The following CDYL2 variants were observed in gnomAD, a reference collection of about 807,000 sequenced individuals.
The protein encoded by CDYL2 is chromodomain Y-like protein 2.
Under a neutral mutation model 49.4 loss-of-function variants are expected in CDYL2, and 23 were observed. The observed-to-expected ratio is 0.47, with a 90% CI of 0.34 to 0.66. CDYL2 has a LOEUF of 0.66. Ranked by LOEUF, CDYL2 falls within the 30% of genes least tolerant of loss-of-function variation. The pLI, the probability that CDYL2 is intolerant of heterozygous loss-of-function variation, is 0.01. For missense variants in CDYL2, 678 were observed against 656.4 expected (o/e 1.03, Z -0.36); for synonymous variants, 360 against 268.8 (o/e 1.34, Z -3.32).
At chr16:80,776,838 G>C (rs1238689173) in intron 1 of CDYL2, among the ~76,000 whole-genome samples, 1 of 149,826 alleles carries the variant, frequency 6.7e-6, no homozygotes, top group Non-Finnish European at 1.5e-5. Flanking sequence ...TTTTTTTGGA[G>C]ACAGAGTCTC....
chr16:80,631,655 T>C (rs146768220), intron 3 of CDYL2, among the ~76,000 whole-genome samples: 1 of 152,332 alleles, frequency 6.6e-6, no homozygotes, highest in East Asian at 1.9e-4. Context: ...AAGTATCTGA[T>C]AAGGCCTTAC....
At chr16:80,646,796 CAAACAAAACA>C (rs922579126) in intron 2 of CDYL2, among the ~76,000 whole-genome samples, 69 of 150,746 alleles carry the variant, frequency 4.6e-4, no homozygotes, top group African/African-American at 1.3e-3. Flanking sequence ...TCAAAACAAA[CAAACAAAACA>C]AAACAAAACA....
chr16:80,798,059 G>C (rs1302117814), intron 1 of CDYL2, among the ~76,000 whole-genome samples: 1 of 151,806 alleles, frequency 6.6e-6, no homozygotes, highest in Non-Finnish European at 1.5e-5. Context: ...TTTTGCTTTT[G>C]AGACAGAGCC....
chr16:80,608,839 T>C (rs1467737591), intron 5 of CDYL2, among the ~76,000 whole-genome samples: 5 of 152,096 alleles, frequency 3.3e-5, no homozygotes, highest in African/African-American at 9.7e-5. Flanking sequence ...AGAGACCTGA[T>C]GGTACTTGAA....
At chr16:80,651,151 G>A in intron 2 of CDYL2, among the ~76,000 whole-genome samples, 1 of 152,036 alleles carries the variant, frequency 6.6e-6, no homozygotes, top group East Asian at 1.9e-4. Flanking sequence ...TTGAGAGGGT[G>A]GATACCCCAT....
intron 1 of CDYL2, among the ~76,000 whole-genome samples, chr16:80,787,920 T>C (rs1057018930): frequency 6.6e-6 from 1 of 152,144 alleles, no homozygotes. Context: ...TTATCTGCCT[T>C]ACCCATAGGA....
At chr16:80,695,103 C>T (rs1027690589) in intron 1 of CDYL2, among the ~76,000 whole-genome samples, 2 of 152,250 alleles carry the variant, frequency 1.3e-5, no homozygotes, top group Non-Finnish European at 2.9e-5. Context: ...CAATTATGGC[C>T]TGCAGGCCAA....
intron 1 of CDYL2, among the ~76,000 whole-genome samples, chr16:80,758,735 G>T (rs1344534748): frequency 6.6e-6 from 1 of 151,660 alleles, no homozygotes; most frequent in Non-Finnish European, 1.5e-5. Context: ...GTAGAGACAG[G>T]GTTTCACCGT....
chr16:80,791,077 T>G (rs1907594155), intron 1 of CDYL2, among the ~76,000 whole-genome samples: 1 of 152,164 alleles, frequency 6.6e-6, no homozygotes, highest in African/African-American at 2.4e-5. Flanking sequence ...AAAACTCTCA[T>G]CCAACATCCA....
chr16:80,726,366 G>A (rs1257670791), intron 1 of CDYL2, among the ~76,000 whole-genome samples: 1 of 152,086 alleles, frequency 6.6e-6, no homozygotes, highest in African/African-American at 2.4e-5. Flanking sequence ...AACAATAACT[G>A]TATAAATCCT....
chr16:80,682,778 T>G (rs536238158), intron 2 of CDYL2, among the ~76,000 whole-genome samples: 2 of 152,236 alleles, frequency 1.3e-5, no homozygotes, highest in African/African-American at 4.8e-5. Flanking sequence ...CACAGCAACA[T>G]CAAACACGGG....
At chr16:80,753,244 T>G (rs1172152498) in intron 1 of CDYL2, among the ~76,000 whole-genome samples, 1 of 150,274 alleles carries the variant, frequency 6.7e-6, no homozygotes, top group Non-Finnish European at 1.5e-5. Context: ...TTCCGAGAAA[T>G]GGTAAATTCC....
chr16:80,722,563 A>G (rs897996154), intron 1 of CDYL2, among the ~76,000 whole-genome samples: 2 of 152,244 alleles, frequency 1.3e-5, no homozygotes, highest in African/African-American at 4.8e-5. Context: ...AATTGTCAGA[A>G]CATAACTAAG....
intron 2 of CDYL2, among the ~76,000 whole-genome samples, chr16:80,667,059 A>G (rs2142444442): frequency 6.6e-6 from 1 of 152,278 alleles, no homozygotes; most frequent in South Asian, 2.1e-4. Context: ...GTGTGCAAAT[A>G]AAAACGGAAA....
intron 1 of CDYL2, among the ~76,000 whole-genome samples, chr16:80,712,233 A>G (rs958574457): frequency 2.8e-5 from 3 of 106,206 alleles, no homozygotes; most frequent in African/African-American, 8.7e-5. Context: ...ACCACTGCTC[A>G]CTGTGATTTA....
chr16:80,802,823 GA>G, intron 1 of CDYL2, among the ~76,000 whole-genome samples: 1 of 152,320 alleles, frequency 6.6e-6, no homozygotes, highest in Admixed American at 6.5e-5. Context: ...GGGCCTAGAG[GA>G]AAGAGCTTCT....
chr16:80,668,859 A>G (rs914807251), intron 2 of CDYL2, among the ~76,000 whole-genome samples: 3 of 152,078 alleles, frequency 2.0e-5, no homozygotes. Flanking sequence ...AGATCACCCC[A>G]CTGCACTCCA....
chr16:80,767,886 G>T (rs1271534830), intron 1 of CDYL2, among the ~76,000 whole-genome samples: 1 of 152,238 alleles, frequency 6.6e-6, no homozygotes, highest in African/African-American at 2.4e-5. Context: ...CAGTGTCACA[G>T]TCTCGCCTCT....
intron 2 of CDYL2, among the ~76,000 whole-genome samples, chr16:80,644,761 A>C (rs141033090): frequency 1.3e-5 from 2 of 152,192 alleles, no homozygotes; most frequent in Non-Finnish European, 2.9e-5. Flanking sequence ...ATAGTAACCA[A>C]AACAGCATGG....
Sources: gnomAD v4.1 joint callset for allele counts (sites outside exome capture counted in the v4.1 genomes callset) on GRCh38, gnomAD v4.1.1 for gene constraint, MANE v1.5 for transcripts, NCBI Gene and HGNC (gene_info 2026-07-23, HGNC 2026-07-21) for gene names.